NAALADL2: variants seen among roughly 807,000 people sequenced by gnomAD.
NAALADL2 encodes N-acetylated alpha-linked acidic dipeptidase like 2.
Under a neutral mutation model 87.2 loss-of-function variants are expected in NAALADL2, and 76 were observed. The observed-to-expected ratio is 0.87, with a 90% CI of 0.72 to 1.05. The LOEUF (loss-of-function observed/expected upper bound fraction) is 1.05, where lower values mean the gene tolerates loss of function less well. NAALADL2 is among the 50% of genes least tolerant of loss of function. The pLI, the probability that NAALADL2 is intolerant of heterozygous loss-of-function variation, is 0.00. For missense variants in NAALADL2, 1,089 were observed against 945.8 expected, an observed-to-expected ratio of 1.15 and a Z score of -1.99; for synonymous variants, 354 against 331.0, an observed-to-expected ratio of 1.07 and a Z score of -0.75.
chr3:175,369,793 A>T (rs1766221838), intron 5 of NAALADL2, among the ~76,000 whole-genome samples: 1 of 152,158 alleles, frequency 6.6e-6, no homozygotes. Context: ...ATTATTAGGT[A>T]ATCATATCTA....
chr3:175,784,678 A>G (rs62287267), intron 13 of NAALADL2, among the ~76,000 whole-genome samples: 5,241 of 94,316 alleles, frequency 0.056, no homozygotes, highest in Non-Finnish European at 0.07. Context: ...TAATTTTTTG[A>G]AGGGTTTTTT....
At chr3:175,744,858 CAT>C (rs945515870) in intron 12 of NAALADL2, among the ~76,000 whole-genome samples, 27 of 152,022 alleles carry the variant, frequency 1.8e-4, no homozygotes, top group African/African-American at 5.8e-4. Flanking sequence ...TTAAATGAAA[CAT>C]ATAATTTTAC....
chr3:174,476,278 C>T (rs1368205771), intron 1 of NAALADL2, among the ~76,000 whole-genome samples: 13 of 147,552 alleles, frequency 8.8e-5, no homozygotes, highest in African/African-American at 1.7e-4. Flanking sequence ...TTCATTTTGA[C>T]GGACAGAATT....
chr3:175,249,448 G>GT (rs1748602983), intron 3 of NAALADL2, among the ~76,000 whole-genome samples: 1 of 151,928 alleles, frequency 6.6e-6, no homozygotes, highest in East Asian at 1.9e-4. Context: ...TACTCTACCT[G>GT]TTTTTTAAAA....
chr3:174,655,010 C>G (rs1333862572), intron 2 of NAALADL2, among the ~76,000 whole-genome samples: 1 of 152,212 alleles, frequency 6.6e-6, no homozygotes, highest in Non-Finnish European at 1.5e-5. Context: ...GCTGGGATTA[C>G]AGGCGTGAGC....
intron 1 of NAALADL2, among the ~76,000 whole-genome samples, chr3:175,037,379 A>C (rs1175308728): frequency 6.6e-6 from 1 of 152,096 alleles, no homozygotes; most frequent in South Asian, 2.1e-4. Context: ...GGAGAACCAA[A>C]GAGATGAGAA....
At chr3:175,759,204 A>T (rs1015151155) in intron 13 of NAALADL2, among the ~76,000 whole-genome samples, 10 of 152,302 alleles carry the variant, frequency 6.6e-5, no homozygotes, top group Admixed American at 6.5e-4. Flanking sequence ...AAGGAGCTTC[A>T]TCTAATTCAA....
intron 2 of NAALADL2, among the ~76,000 whole-genome samples, chr3:174,703,719 T>C (rs1405195500): frequency 1.3e-5 from 2 of 152,172 alleles, no homozygotes; most frequent in East Asian, 3.9e-4. Context: ...CTCGTTAAGG[T>C]ACAGTGCTTA....
intron 2 of NAALADL2, among the ~76,000 whole-genome samples, chr3:174,621,100 A>G (rs1218527735): frequency 2.0e-5 from 3 of 152,002 alleles, no homozygotes; most frequent in Non-Finnish European, 4.4e-5. Flanking sequence ...ATAACTGTAA[A>G]TCTGAGGGAG....
At chr3:175,547,104 G>T (rs1713464675) in intron 9 of NAALADL2, among the ~76,000 whole-genome samples, 1 of 151,878 alleles carries the variant, frequency 6.6e-6, no homozygotes, top group Non-Finnish European at 1.5e-5. Context: ...TGAGCCCAAA[G>T]AGCCAAGGCA....
At chr3:175,594,028 A>T (rs1582548319) in intron 10 of NAALADL2, among the ~76,000 whole-genome samples, 1 of 151,218 alleles carries the variant, frequency 6.6e-6, no homozygotes, top group Non-Finnish European at 1.5e-5. Flanking sequence ...CAGGGGGTAC[A>T]TGTACAAATT....
intron 13 of NAALADL2, among the ~76,000 whole-genome samples, chr3:175,767,010 T>G (rs1191633868): frequency 1.3e-5 from 2 of 152,184 alleles, no homozygotes; most frequent in Non-Finnish European, 2.9e-5. Flanking sequence ...CATTTAGTCC[T>G]GTACACCATC....
intron 1 of NAALADL2, among the ~76,000 whole-genome samples, chr3:175,000,942 G>A (rs1290259109): frequency 6.6e-6 from 1 of 152,182 alleles, no homozygotes; most frequent in African/African-American, 2.4e-5. Flanking sequence ...TATGTTAATT[G>A]TACTATATCA....
At chr3:175,217,346 G>T (rs1469667646) in intron 2 of NAALADL2, among the ~76,000 whole-genome samples, 1 of 152,116 alleles carries the variant, frequency 6.6e-6, no homozygotes, top group African/African-American at 2.4e-5. Flanking sequence ...CAGAAGCTTT[G>T]TGTTTCCAAA....
At chr3:175,372,244 A>G (rs1482391642) in intron 5 of NAALADL2, among the ~76,000 whole-genome samples, 2 of 152,136 alleles carry the variant, frequency 1.3e-5, no homozygotes, top group Non-Finnish European at 2.9e-5. Flanking sequence ...TACATTTTTC[A>G]TCATACTGAC....
intron 3 of NAALADL2, among the ~76,000 whole-genome samples, chr3:174,826,495 GCTA>G (rs1722014905): frequency 6.6e-6 from 1 of 152,158 alleles, no homozygotes; most frequent in African/African-American, 2.4e-5. Context: ...TGGCAAGCTA[GCTA>G]CTACAGTGTC....
rs184503515 is a variant in NAALADL2, at chr3:174,747,332, C to T, written c.-9+9586C>T. ...GCCAAAAAACATATGAAGAAAAGCT[C>T]TATATCAGTGTTCATCAGAGAAATG... On this transcript the variant is annotated intron_variant, in intron 3 of 3. Coordinates refer to the NAALADL2 transcript ENST00000434257. Among the ~76,000 whole-genome samples, 210 of 152,168 alleles carry T rather than the reference C, an allele frequency of 1.4e-3. 1 individual carries two copies. The highest frequency in any genetic ancestry group is 6.8e-3 in the Middle Eastern group (2 of 294).
intron 10 of NAALADL2, among the ~76,000 whole-genome samples, chr3:175,580,825 T>A (rs1719656460): frequency 6.6e-6 from 1 of 152,120 alleles, no homozygotes; most frequent in African/African-American, 2.4e-5. Flanking sequence ...CTTGCTTCAT[T>A]TAGTGCTGGG....
intron 2 of NAALADL2, among the ~76,000 whole-genome samples, chr3:175,134,696 G>A (rs1728829584): frequency 2.0e-5 from 3 of 152,068 alleles, no homozygotes; most frequent in Non-Finnish European, 4.4e-5. Context: ...ATAAGTAAGG[G>A]AGATAAAGTA....
Sources: gnomAD v4.1 joint callset for allele counts (sites outside exome capture counted in the v4.1 genomes callset) on GRCh38, gnomAD v4.1.1 for gene constraint, MANE v1.5 for transcripts, NCBI Gene and HGNC (gene_info 2026-07-23, HGNC 2026-07-21) for gene names.